ELAC1: variants seen among roughly 807,000 people sequenced by gnomAD.
ELAC1 encodes the protein elaC ribonuclease Z 1, also known as zinc phosphodiesterase ELAC protein 1.
In ELAC1, 19 loss-of-function variants were observed where a neutral mutation model predicts 25.8. That is an observed-to-expected ratio of 0.74 (90% CI 0.51 to 1.08). The LOEUF (loss-of-function observed/expected upper bound fraction) is 1.08. Among genes scored for constraint, ELAC1 ranks in the 50% least tolerant of loss-of-function variants. ELAC1 has a pLI of 0.00. For synonymous variants in ELAC1, 148 were observed against 160.9 expected, an observed-to-expected ratio of 0.92 and a Z score of 0.61; for missense variants, 403 against 434.6, an observed-to-expected ratio of 0.93 and a Z score of 0.65.
intron 2 of ELAC1, among the ~76,000 whole-genome samples, chr18:50,982,984 G>A (rs898292192): frequency 1.3e-5 from 2 of 151,918 alleles, no homozygotes; most frequent in Non-Finnish European, 2.9e-5. Flanking sequence ...TTCAGGCACT[G>A]GTCCAGTCAG....
At chr18:50,968,380 C>T (rs986141282) in intron 1 of ELAC1, 2 of 152,476 alleles carry the variant, frequency 1.3e-5, no homozygotes, top group African/African-American at 4.8e-5. Flanking sequence ...GCCTCTGGCC[C>T]TGCCTGTGCC....
intron 2 of ELAC1, 65 bp from the exon 3 acceptor site, chr18:50,984,031 T>A: frequency 9.5e-7 from 1 of 1,047,502 alleles, no homozygotes; most frequent in East Asian, 2.5e-5. Context: ...TTGTTTCAAA[T>A]AGCTTTGTAT....
At chr18:50,970,947 A>G (rs971914789) in intron 1 of ELAC1, among the ~76,000 whole-genome samples, 17 of 152,330 alleles carry the variant, frequency 1.1e-4, no homozygotes, top group African/African-American at 3.4e-4. Context: ...ATCATACCAT[A>G]GCCATCTGTA....
At chr18:50,984,645 A>G in intron 3 of ELAC1, 82 bp downstream of exon 3, 1 of 1,055,514 alleles carries the variant, frequency 9.5e-7, no homozygotes, top group East Asian at 2.5e-5. Flanking sequence ...GAAATGTCAT[A>G]GTAAGGCCAG....
intron 1 of ELAC1, 174 bp downstream of exon 1, chr18:50,968,288 C>A (rs1225039266): frequency 6.6e-6 from 1 of 152,156 alleles, no homozygotes; most frequent in Non-Finnish European, 1.5e-5. Context: ...CTCGGCCGCC[C>A]GGCGCCGCCG....
intron 1 of ELAC1, among the ~76,000 whole-genome samples, chr18:50,971,912 G>GTATATATATATA (rs66495742): frequency 1.4e-4 from 11 of 76,530 alleles, no homozygotes; most frequent in East Asian, 5.0e-4. Flanking sequence ...GTGTGTGTGT[G>GTATATATATATA]TATATATATA....
intron 1 of ELAC1, chr18:50,969,779 C>T (rs988183632): frequency 1.3e-5 from 2 of 152,152 alleles, no homozygotes; most frequent in African/African-American, 4.8e-5. Context: ...TGTTGAAGTT[C>T]AATGATGGGT....
chr18:50,986,989 T>C lies in ELAC1; in HGVS notation c.996T>C (p.Ile332=). 6.2e-7 allele frequency: 1 copy of C among 1,613,390 alleles called. No homozygotes were observed. The highest frequency in any genetic ancestry group is 8.5e-7 in the Non-Finnish European group (1 of 1,179,760). ...ALAREGETDG[I]AELKKQAESV... is the part of the protein sequence containing the mutation. ...CCAGAGAAGGAGAAACAGATGGCAT[T>C]GCAGAACTAAAAAAGCAAGCTGAAT... The change falls in exon 4 of 4, where the codon ATT becomes ATC. Residue 332 remains isoleucine (I), a synonymous_variant. Coordinates refer to ENST00000269466, the MANE Select transcript of ELAC1 (RefSeq NM_018696.3).
At chr18:50,981,730 TTTTGGTGTTCAG>T (rs2144319862) in intron 2 of ELAC1, among the ~76,000 whole-genome samples, 1 of 152,270 alleles carries the variant, frequency 6.6e-6, no homozygotes, top group South Asian at 2.1e-4. Flanking sequence ...TCACAGGTTG[TTTTGGTGTTCAG>T]TTTGGCTTTG....
Position 50,985,762 on chromosome 18 carries a change from T to C in ELAC1, c.626-857T>C, listed in dbSNP as rs1908091709. Among the ~76,000 whole-genome samples, 5 of 152,292 alleles carry C rather than the reference T, an allele frequency of 3.3e-5. No individual in the cohort carries two copies. The South Asian group carries it at 1.0e-3, about 32-fold the overall frequency. ...TGGAAACTTTAAACATGATCTGTGT[T>C]GGAATTGGTGGTCATACTATACTAG... On this transcript the variant is annotated intron_variant, in intron 3 of 3. Coordinates refer to ENST00000269466, the MANE Select transcript of ELAC1 (RefSeq NM_018696.3).
intron 2 of ELAC1, among the ~76,000 whole-genome samples, chr18:50,980,835 C>T (rs1907930104): frequency 6.6e-6 from 1 of 151,236 alleles, no homozygotes; most frequent in Non-Finnish European, 1.5e-5. Flanking sequence ...TAGAGCATTA[C>T]CTGTGACTCT....
In ELAC1 at chr18:50,984,283, C is replaced by T; in HGVS notation, c.345C>T (p.Val115=). The T allele has an allele frequency of 6.2e-7, 1 of 1,614,168 alleles. No homozygotes were observed. Among genetic ancestry groups the T allele is most frequent in the Non-Finnish European group, 8.5e-7 (1 of 1,180,034 alleles). ...RTMELSHTEL[V]FHYVVHELVP... is the part of the protein sequence containing the mutation. Reference sequence around the variant, plus strand: ...TGGAACTCTCTCACACGGAGCTGGTCTTCCATTATGTGGTTCATGAACTGG... The same window carrying T: ...TGGAACTCTCTCACACGGAGCTGGTTTTCCATTATGTGGTTCATGAACTGG... Residue 115 remains valine, a synonymous_variant, in exon 3 of 4, where the codon GTC becomes GTT. Coordinates refer to ENST00000269466, the MANE Select transcript of ELAC1 (RefSeq NM_018696.3).
intron 2 of ELAC1, among the ~76,000 whole-genome samples, chr18:50,981,635 T>G (rs994332619): frequency 2.0e-5 from 3 of 152,104 alleles, no homozygotes; most frequent in Admixed American, 6.5e-5. Context: ...TGAAATCAGG[T>G]TTCTTGAAAA....
chr18:50,984,579 T>G lies in ELAC1; in HGVS notation c.625+16T>G, dbSNP rs1209989358. 3 of 1,584,316 alleles carry G rather than the reference T, an allele frequency of 1.9e-6. No individual in the cohort carries two copies. The highest frequency in any genetic ancestry group is 1.7e-5 in the Admixed American group (1 of 57,504). On this transcript the variant is annotated intron_variant, in intron 3 of 3. Coordinates refer to ENST00000269466, the MANE Select transcript of ELAC1 (RefSeq NM_018696.3). ...AAAGACCTTGGTAAGTGTTTTTTTG[T>G]TTTTTGTTTTTTCCCGCCTTCTCAT...
At chr18:50,978,906 G>A (rs929958670) in intron 2 of ELAC1, among the ~76,000 whole-genome samples, 1 of 152,202 alleles carries the variant, frequency 6.6e-6, no homozygotes, top group African/African-American at 2.4e-5. Flanking sequence ...TTGAACCGTA[G>A]TTATATACTG....
chr18:50,986,552 A>C, intron 3 of ELAC1, 67 bp from the exon 4 acceptor site: 1 of 1,266,580 alleles, frequency 7.9e-7, no homozygotes, highest in Admixed American at 2.2e-5. Flanking sequence ...CAATGCTGTT[A>C]AAATAGACTC....
At chr18:50,985,575 G>A (rs1908085356) in intron 3 of ELAC1, among the ~76,000 whole-genome samples, 1 of 152,258 alleles carries the variant, frequency 6.6e-6, no homozygotes, top group South Asian at 2.1e-4. Flanking sequence ...CAGGCATGCT[G>A]TGGCAGTGCC....
chr18:50,974,842 T>C (rs947509814), intron 2 of ELAC1, among the ~76,000 whole-genome samples: 1 of 152,194 alleles, frequency 6.6e-6, no homozygotes, highest in Admixed American at 6.5e-5. Context: ...GCATATTAGA[T>C]GAACACTGCC....
At chr18:50,979,753 G>A (rs1778501623) in intron 2 of ELAC1, among the ~76,000 whole-genome samples, 1 of 151,956 alleles carries the variant, frequency 6.6e-6, no homozygotes, top group Non-Finnish European at 1.5e-5. Flanking sequence ...TTGAGACAGA[G>A]TCTTGCTCTG....
Sources: gnomAD v4.1 joint callset for allele counts (sites outside exome capture counted in the v4.1 genomes callset) on GRCh38, gnomAD v4.1.1 for gene constraint, MANE v1.5 for transcripts, NCBI Gene and HGNC (gene_info 2026-07-23, HGNC 2026-07-21) for gene names.